Variants in SMYD2 observed in about 807,000 individuals in gnomAD.
SMYD2 encodes the protein N-lysine methyltransferase SMYD2.
Under a neutral mutation model 59.1 loss-of-function variants are expected in SMYD2, and 53 were observed. That is an observed-to-expected ratio of 0.90 (90% CI 0.72 to 1.13). The LOEUF is 1.13. Among genes scored for constraint, SMYD2 ranks in the 50% most tolerant of loss-of-function variants. The pLI is 0.00. For missense variants in SMYD2, 494 were observed against 544.7 expected (o/e 0.91, Z 0.93); for synonymous variants, 208 against 198.8 (o/e 1.05, Z -0.39).
At chr1:214,317,677 GC>G (rs1394108200) in intron 3 of SMYD2, among the ~76,000 whole-genome samples, 2 of 152,190 alleles carry the variant, frequency 1.3e-5, no homozygotes, top group African/African-American at 4.8e-5. Flanking sequence ...TTTAGCCTAT[GC>G]TTAAAGAAAG....
At chr1:214,299,413 G>A (rs1656784193) in intron 1 of SMYD2, among the ~76,000 whole-genome samples, 1 of 150,338 alleles carries the variant, frequency 6.7e-6, no homozygotes, top group Non-Finnish European at 1.5e-5. Flanking sequence ...CACTAGCAAA[G>A]ACACAGAATC....
chr1:214,335,160 C>G (rs1657416114), intron 11 of SMYD2, among the ~76,000 whole-genome samples: 1 of 152,228 alleles, frequency 6.6e-6, no homozygotes. Context: ...ATGGACAGGG[C>G]CTGCAGGCCT....
chr1:214,305,110 T>G, intron 1 of SMYD2, 77 bp from the exon 2 acceptor site: 21 of 1,386,316 alleles, frequency 1.5e-5, no homozygotes, highest in Non-Finnish European at 1.9e-5. Context: ...CCAAGTGGCT[T>G]TTGTTGTTGC....
chr1:214,307,049 T>C (rs892026348), intron 2 of SMYD2, among the ~76,000 whole-genome samples: 1 of 152,226 alleles, frequency 6.6e-6, no homozygotes, highest in African/African-American at 2.4e-5. Context: ...GGCGGGTGCC[T>C]GTAATCCCAG....
At chr1:214,326,715 T>C (rs1304289889) in intron 6 of SMYD2, among the ~76,000 whole-genome samples, 2 of 152,120 alleles carry the variant, frequency 1.3e-5, no homozygotes, top group Admixed American at 6.5e-5. Context: ...TCGAAACCCC[T>C]TTCCCTTTTT....
chr1:214,336,847 A>T lies in SMYD2; in HGVS notation c.*63A>T. The stretch of plus-strand genomic sequence containing the variant: ...TTCAGAAACCTTAAAGGATTTGAAT[A>T]TTTCAAATTGCACACGTCACTCCAG... On this transcript the variant is annotated 3_prime_UTR_variant, in exon 12 of 12. Coordinates refer to ENST00000366957, the MANE Select transcript of SMYD2 (RefSeq NM_020197.3). The T allele has an allele frequency of 7.1e-7, 1 of 1,408,410 alleles. No individual in the cohort carries two copies. Among genetic ancestry groups the T allele is most frequent in the East Asian group, 2.3e-5 (1 of 42,840 alleles). 87.2% of individuals were successfully genotyped at this position (1,408,410 alleles called of 1,614,324 possible).
rs1366599183 is a variant in SMYD2, at chr1:214,318,375, T to G, written c.409+236T>G. On this transcript the variant is annotated intron_variant, in intron 4 of 11. Coordinates refer to ENST00000366957, the MANE Select transcript of SMYD2 (RefSeq NM_020197.3). This position sits in a 1 kb window ranked among gnomAD's most constrained non-coding sequence, Gnocchi z 5.4. The stretch of plus-strand genomic sequence containing the variant: ...AGGTAGGAGCTCCCAAAATGAATTA[T>G]TGCACCCTGAGCTACCTCCTGCTGG... 1.3e-5 allele frequency among the ~76,000 whole-genome samples: 2 copies of G among 152,210 alleles called. No individual in the cohort carries two copies. Among genetic ancestry groups the G allele is most frequent in the Admixed American group, 1.3e-4 (2 of 15,276 alleles).
chr1:214,308,326 G>A (rs1656946597), intron 2 of SMYD2, among the ~76,000 whole-genome samples: 1 of 152,190 alleles, frequency 6.6e-6, no homozygotes, highest in African/African-American at 2.4e-5. Flanking sequence ...CTTTAGTACT[G>A]AAGAACTAAA....
chr1:214,333,806 A>G, intron 10 of SMYD2: 1 of 179,048 alleles, frequency 5.6e-6, no homozygotes, highest in South Asian at 1.4e-4. Flanking sequence ...ATGTCTGAGT[A>G]CCTAAGGTGA....
chr1:214,331,232 T>C (rs1657348437), intron 9 of SMYD2, 162 bp downstream of exon 9: 1 of 1,017,030 alleles, frequency 9.8e-7, no homozygotes, highest in Non-Finnish European at 1.4e-6. Context: ...ACCCACAATG[T>C]GGTGTCCATC....
At chr1:214,319,210 CGCCTCT>C (rs1463553027) in intron 5 of SMYD2, among the ~76,000 whole-genome samples, 2 of 152,146 alleles carry the variant, frequency 1.3e-5, no homozygotes, top group African/African-American at 2.4e-5. Flanking sequence ...GTAGGAAATT[CGCCTCT>C]GCCTCTGCCT....
intron 2 of SMYD2, among the ~76,000 whole-genome samples, chr1:214,306,300 G>T (rs1252691163): frequency 6.6e-6 from 1 of 150,782 alleles, no homozygotes; most frequent in African/African-American, 2.4e-5. Flanking sequence ...TCCCTACACT[G>T]TTGGCTTCTG....
At chr1:214,316,543 A>G (rs1321789483) in intron 3 of SMYD2, among the ~76,000 whole-genome samples, 1 of 151,944 alleles carries the variant, frequency 6.6e-6, no homozygotes, top group Non-Finnish European at 1.5e-5. Context: ...CTGTATACCT[A>G]CCAGCCCTCC....
At chr1:214,335,591 C>G (rs1358676765) in intron 11 of SMYD2, among the ~76,000 whole-genome samples, 1 of 152,190 alleles carries the variant, frequency 6.6e-6, no homozygotes, top group African/African-American at 2.4e-5. Context: ...ACTTTTTTCT[C>G]TGAGTAATTT....
At chr1:214,313,512 TAA>T (rs79944948) in intron 2 of SMYD2, among the ~76,000 whole-genome samples, 21 of 138,242 alleles carry the variant, frequency 1.5e-4, no homozygotes, top group Admixed American at 2.2e-4. Flanking sequence ...ATTTCCCATC[TAA>T]AAAAAAAAAA....
intron 2 of SMYD2, among the ~76,000 whole-genome samples, chr1:214,309,156 T>TCCCG (rs1215725215): frequency 6.6e-6 from 1 of 152,212 alleles, no homozygotes; most frequent in African/African-American, 2.4e-5. Flanking sequence ...TTCTATCTTG[T>TCCCG]CCCGTTACTT....
In SMYD2 at chr1:214,334,215, G is replaced by GTACTCCCTCA; in HGVS notation, c.1129_1138dup (p.Asn380IlefsTer49). On this transcript the variant is annotated frameshift_variant, in exon 11 of 12. Coordinates refer to ENST00000366957, the MANE Select transcript of SMYD2 (RefSeq NM_020197.3). LOFTEE classifies it high-confidence loss of function. The stretch of plus-strand genomic sequence containing the variant: ...CTTGTTCTAGTAAGCACTATCCTTT[G>GTACTCCCTCA]TACTCCCTCAACGTGGCCTCCATGT... 1 of 1,613,970 alleles carries GTACTCCCTCA rather than the reference G, an allele frequency of 6.2e-7. No individual in the cohort carries two copies. Among genetic ancestry groups the GTACTCCCTCA allele is most frequent in the Non-Finnish European group, 8.5e-7 (1 of 1,179,972 alleles).
intron 9 of SMYD2, 35 bp downstream of exon 9, chr1:214,331,105 C>G (rs1185773480): frequency 1.2e-6 from 2 of 1,605,624 alleles, no homozygotes; most frequent in South Asian, 2.2e-5. Context: ...GCTTATTATC[C>G]CTCGCCAACA....
chr1:214,334,651 TAG>T, intron 11 of SMYD2, among the ~76,000 whole-genome samples: 1 of 152,108 alleles, frequency 6.6e-6, no homozygotes, highest in Non-Finnish European at 1.5e-5. Context: ...ATCAAGGAGG[TAG>T]GATATGGAGA....
Sources: gnomAD v4.1 joint callset for allele counts (sites outside exome capture counted in the v4.1 genomes callset) on GRCh38, gnomAD v4.1.1 for gene constraint, Gnocchi (gnomAD v3.1) non-coding constraint, MANE v1.5 for transcripts, NCBI Gene and HGNC (gene_info 2026-07-23, HGNC 2026-07-21) for gene names.